Variants in PAFAH1B1 observed in about 807,000 individuals in gnomAD.
The protein encoded by PAFAH1B1 is platelet-activating factor acetylhydrolase IB subunit beta.
Under a neutral mutation model 57.5 loss-of-function variants are expected in PAFAH1B1, and 2 were observed. The observed-to-expected ratio is 0.03, with a 90% CI of 0.01 to 0.11. PAFAH1B1 has a LOEUF of 0.11. Among genes scored for constraint, PAFAH1B1 ranks in the 10% least tolerant of loss-of-function variants. PAFAH1B1 has a pLI of 1.00. For missense variants in PAFAH1B1, 257 were observed against 512.0 expected (o/e 0.50, Z 4.81); for synonymous variants, 152 against 169.6 (o/e 0.90, Z 0.81).
chr17:2,603,815 A>C (rs1374484768), intron 1 of PAFAH1B1, among the ~76,000 whole-genome samples: 2 of 149,704 alleles, frequency 1.3e-5, no homozygotes, highest in Non-Finnish European at 3.0e-5. Context: ...ATCTTGGCTT[A>C]CTGCAGCCTC....
intron 1 of PAFAH1B1, among the ~76,000 whole-genome samples, chr17:2,596,795 A>G (rs1310344687): frequency 1.3e-5 from 2 of 152,184 alleles, no homozygotes; most frequent in East Asian, 3.8e-4. Context: ...GCAGTGGTTC[A>G]CGCCTGTAAT....
intron 2 of PAFAH1B1, among the ~76,000 whole-genome samples, chr17:2,656,584 T>C (rs963332048): frequency 2.6e-5 from 4 of 152,324 alleles, no homozygotes; most frequent in African/African-American, 7.2e-5. Context: ...AGCAGTATTG[T>C]AGATAATTGA....
upstream of PAFAH1B1, chr17:2,593,457 C>G (rs1174640124): frequency 6.5e-6 from 1 of 152,898 alleles, no homozygotes; most frequent in East Asian, 1.9e-4. Flanking sequence ...GACTCGCCCG[C>G]CGGCCGGGTG....
rs111231926 is a variant in PAFAH1B1 at position 2,659,079 on chromosome 17, C to T, written c.33-6293C>T. ...CACCCTGGCCAACATGGCAAAACCC[C>T]GTCTCTACTAAAAATACAAAAATTA... On this transcript the variant is annotated intron_variant, in intron 2 of 10. Coordinates refer to ENST00000397195, the MANE Select transcript of PAFAH1B1 (RefSeq NM_000430.4). Among the ~76,000 whole-genome samples, 7 of 152,048 alleles carry T rather than the reference C, an allele frequency of 4.6e-5. 1 individual carries two copies. In the South Asian group the frequency reaches 1.5e-3, roughly 32 times the overall value.
intron 2 of PAFAH1B1, among the ~76,000 whole-genome samples, chr17:2,646,252 T>A (rs2068767144): frequency 6.6e-6 from 1 of 152,120 alleles, no homozygotes; most frequent in African/African-American, 2.4e-5. Context: ...GACAGTTTTT[T>A]AAAGAGAAAA....
At chr17:2,652,343 A>T (rs1015659068) in intron 2 of PAFAH1B1, among the ~76,000 whole-genome samples, 1 of 152,136 alleles carries the variant, frequency 6.6e-6, no homozygotes, top group Non-Finnish European at 1.5e-5. Context: ...TGAACCCGGG[A>T]GGCGGAGCTT....
intron 9 of PAFAH1B1, among the ~76,000 whole-genome samples, chr17:2,678,897 A>G (rs2069318029): frequency 6.6e-6 from 1 of 152,156 alleles, no homozygotes; most frequent in Non-Finnish European, 1.5e-5. Flanking sequence ...AAACAAAACA[A>G]AATTTTGCAG....
intron 1 of PAFAH1B1, among the ~76,000 whole-genome samples, chr17:2,604,894 CTATT>C (rs538186552): frequency 1.4e-4 from 22 of 152,204 alleles, no homozygotes; most frequent in African/African-American, 4.8e-4. Flanking sequence ...GCATGAGAAA[CTATT>C]TTATGTATGC....
intron 2 of PAFAH1B1, among the ~76,000 whole-genome samples, chr17:2,657,291 T>C (rs1297273566): frequency 2.0e-5 from 3 of 152,222 alleles, no homozygotes; most frequent in Admixed American, 2.0e-4. Flanking sequence ...TCACCCAGGC[T>C]GTAAGGCAGT....
chr17:2,604,413 T>C (rs1265073766), intron 1 of PAFAH1B1, among the ~76,000 whole-genome samples: 2 of 152,210 alleles, frequency 1.3e-5, no homozygotes, highest in Non-Finnish European at 2.9e-5. Context: ...TGAGTTGTTA[T>C]GGTATACCTT....
chr17:2,676,845 T>C (rs1259993344), intron 9 of PAFAH1B1, among the ~76,000 whole-genome samples: 1 of 152,206 alleles, frequency 6.6e-6, no homozygotes, highest in Non-Finnish European at 1.5e-5. Context: ...GAGATGCTGC[T>C]AGCTCACTGT....
At position 2,674,218 on chromosome 17, in the gene PAFAH1B1, A is replaced by G; in HGVS notation, c.830A>G (p.His277Arg). The G allele has an allele frequency of 2.5e-6, 4 of 1,614,116 alleles. No individual in the cohort carries two copies. Among genetic ancestry groups the G allele is most frequent in the South Asian group, 1.1e-5 (1 of 91,086 alleles). ...AAGGCTGAGCTCCGAGAGCATGAGC[A>G]TGTGGTAGAATGCATTTCCTGGGCT... ...ECKAELREHE[H>R]VVECISWAPE... Residue 277 changes from histidine (H) to arginine (R), a missense_variant, in exon 8 of 11, where the codon CAT (histidine) becomes CGT (arginine). Coordinates refer to ENST00000397195, the MANE Select transcript of PAFAH1B1 (RefSeq NM_000430.4).
Position 2,680,153 on chromosome 17 carries a change from T to C in PAFAH1B1, c.1003-11T>C, listed in dbSNP as rs371584771. 1.5e-5 allele frequency: 24 copies of C among 1,613,508 alleles called. No individual in the cohort carries two copies. The African/African-American group carries it at 3.1e-4, about 21-fold the overall frequency. On this transcript the variant is annotated splice_polypyrimidine_tract_variant and intron_variant, in intron 9 of 10. Transcript: ENST00000397195. ...CCTTTTACTGAGTCAAATAACTTTT[T>C]TGTTTTTAAGGTGGGTCATGATAAC...
rs958198717 is a variant in PAFAH1B1 at position 2,678,904 on chromosome 17, G to A, written c.1003-1260G>A. ...TCTTTTTAAAACAAAACAAAATTTT[G>A]CAGTGCTGTGCTATAACTGCACTAT... On this transcript the variant is annotated intron_variant, in intron 9 of 10. Transcript: ENST00000397195. Among the ~76,000 whole-genome samples, 10 of 152,272 alleles carry A rather than the reference G, an allele frequency of 6.6e-5. 1 individual carries two copies. In the South Asian group the frequency reaches 2.1e-3, roughly 32 times the overall value.
intron 1 of PAFAH1B1, among the ~76,000 whole-genome samples, chr17:2,611,369 G>A (rs1198018057): frequency 1.3e-5 from 2 of 151,908 alleles, no homozygotes; most frequent in Non-Finnish European, 2.9e-5. Context: ...TCAGGAGGCT[G>A]AGGCAGGAGA....
chr17:2,632,078 G>A (rs545300276), intron 1 of PAFAH1B1, among the ~76,000 whole-genome samples: 4 of 152,070 alleles, frequency 2.6e-5, no homozygotes, highest in Non-Finnish European at 5.9e-5. Context: ...ACTTCGATTT[G>A]ATGTAGCTTT....
In PAFAH1B1 at chr17:2,617,322, G is replaced by A. The variant is rs948019253; in HGVS notation, c.-190-20777G>A. On this transcript the variant is annotated intron_variant, in intron 1 of 10. Coordinates refer to ENST00000397195, the MANE Select transcript of PAFAH1B1 (RefSeq NM_000430.4). ...CTTAATCTTTGGCTCAAGGCTAATC[G>A]TAAAATAGGAAACATTTTCCTATGT... Among the ~76,000 whole-genome samples the A allele has an allele frequency of 5.3e-5, 8 of 152,256 alleles. No homozygotes were observed. In the East Asian group the frequency reaches 1.4e-3, roughly 26 times the overall value.
chr17:2,648,665 GA>G (rs1422220951), intron 2 of PAFAH1B1, among the ~76,000 whole-genome samples: 1 of 140,230 alleles, frequency 7.1e-6, no homozygotes, highest in African/African-American at 2.7e-5. Flanking sequence ...GCAACAGAGT[GA>G]GACTCTGTCT....
intron 3 of PAFAH1B1, 43 bp downstream of exon 3, chr17:2,665,499 G>C (rs553624060): frequency 9.1e-7 from 1 of 1,098,146 alleles, no homozygotes; most frequent in African/African-American, 1.5e-5. Context: ...TTAATGAGTG[G>C]ATTTTCACTC....
Sources: gnomAD v4.1 joint callset for allele counts (sites outside exome capture counted in the v4.1 genomes callset) on GRCh38, gnomAD v4.1.1 for gene constraint, MANE v1.5 for transcripts, NCBI Gene and HGNC (gene_info 2026-07-23, HGNC 2026-07-21) for gene names.